Variants in RARB observed in about 807,000 individuals in gnomAD.
The protein encoded by RARB is HBV-activated protein.
Under a neutral mutation model 51.9 loss-of-function variants are expected in RARB, and 17 were observed. The ratio of observed to expected loss-of-function variants is 0.33; its 90% CI spans 0.22 to 0.49. RARB has a LOEUF of 0.49. Ranked by LOEUF, RARB falls within the 20% of genes least tolerant of loss-of-function variation. The pLI is 0.99. For synonymous variants in RARB, 215 were observed against 195.4 expected, an observed-to-expected ratio of 1.10 and a Z score of -0.84; for missense variants, 369 against 550.8, an observed-to-expected ratio of 0.67 and a Z score of 3.30.
intron 5 of RARB, among the ~76,000 whole-genome samples, chr3:25,274,700 G>A (rs1703336990): frequency 6.6e-6 from 1 of 152,160 alleles, no homozygotes; most frequent in Admixed American, 6.5e-5. Flanking sequence ...GTGGGAATCA[G>A]CTGGACTTGA....
At chr3:25,256,838 G>A (rs1044589323) in intron 5 of RARB, among the ~76,000 whole-genome samples, 2 of 150,246 alleles carry the variant, frequency 1.3e-5, no homozygotes, top group Admixed American at 6.6e-5. Context: ...AGAATGTGAA[G>A]ATAAGAGGTG....
intron 2 of RARB, among the ~76,000 whole-genome samples, chr3:25,035,421 CTTTTTTTTTTTTTTTTTT>C (rs140970899): frequency 3.3e-5 from 4 of 121,660 alleles, no homozygotes; most frequent in African/African-American, 1.4e-4. Context: ...TGCGTCCAGC[CTTTTTTTTTTTTTTTTTT>C]TTTTTTTTCT....
intron 5 of RARB, among the ~76,000 whole-genome samples, chr3:25,409,020 C>T (rs771364092): frequency 2.0e-5 from 3 of 151,986 alleles, no homozygotes. Context: ...TGTGACACAG[C>T]GAGACTCTGT....
At chr3:25,497,458 C>T (rs1697100781) in intron 2 of RARB, among the ~76,000 whole-genome samples, 1 of 152,182 alleles carries the variant, frequency 6.6e-6, no homozygotes, top group Non-Finnish European at 1.5e-5. Flanking sequence ...CTTCTTTCGC[C>T]AATTTCTTTG....
intron 3 of RARB, among the ~76,000 whole-genome samples, chr3:25,501,631 C>G (rs1176883208): frequency 1.3e-5 from 2 of 152,174 alleles, no homozygotes; most frequent in African/African-American, 4.8e-5. Flanking sequence ...CACGGTGACT[C>G]CATTTCCCCT....
chr3:25,431,397 A>C (rs973884029), intron 1 of RARB, among the ~76,000 whole-genome samples: 1 of 152,188 alleles, frequency 6.6e-6, no homozygotes, highest in Admixed American at 6.5e-5. Context: ...GAAAAATGAT[A>C]TGCCAGCCAG....
chr3:25,225,083 A>G (rs1470538166), intron 5 of RARB, among the ~76,000 whole-genome samples: 1 of 152,190 alleles, frequency 6.6e-6, no homozygotes, highest in African/African-American at 2.4e-5. Context: ...GGTGATACCT[A>G]AACTAGTGCT....
At chr3:25,266,040 A>C (rs1421042331) in intron 5 of RARB, among the ~76,000 whole-genome samples, 2 of 152,194 alleles carry the variant, frequency 1.3e-5, no homozygotes, top group Non-Finnish European at 2.9e-5. Flanking sequence ...TTCCAGCTTT[A>C]AGGACTCTTG....
chr3:25,020,743 C>A (rs1032706567), intron 2 of RARB, among the ~76,000 whole-genome samples: 3 of 152,066 alleles, frequency 2.0e-5, no homozygotes, highest in Non-Finnish European at 4.4e-5. Flanking sequence ...AATGAATAAA[C>A]AAGTCACATA....
At chr3:25,050,700 T>C (rs541350975) in intron 2 of RARB, among the ~76,000 whole-genome samples, 134 of 152,296 alleles carry the variant, frequency 8.8e-4, no homozygotes, top group Non-Finnish European at 1.8e-4. Context: ...CATCCAATTA[T>C]AGAAAAAGAT....
intron 1 of RARB, among the ~76,000 whole-genome samples, chr3:25,454,044 A>G (rs1694759002): frequency 6.6e-6 from 1 of 152,252 alleles, no homozygotes; most frequent in South Asian, 2.1e-4. Context: ...AAGATGATTA[A>G]AAGCAGATCC....
At chr3:25,399,565 A>T (rs1156539801) in intron 5 of RARB, among the ~76,000 whole-genome samples, 1 of 152,148 alleles carries the variant, frequency 6.6e-6, no homozygotes, top group Non-Finnish European at 1.5e-5. Context: ...ACATGAAGGG[A>T]ACTGGTACAT....
intron 5 of RARB, among the ~76,000 whole-genome samples, chr3:25,404,884 C>A (rs974360262): frequency 2.0e-5 from 3 of 152,126 alleles, no homozygotes; most frequent in Non-Finnish European, 4.4e-5. Flanking sequence ...TAAATTTACT[C>A]GCTACTTTTT....
At chr3:24,903,186 T>C (rs927619422) in intron 2 of RARB, among the ~76,000 whole-genome samples, 2 of 152,098 alleles carry the variant, frequency 1.3e-5, no homozygotes, top group Admixed American at 1.3e-4. Flanking sequence ...TAACTTGAAG[T>C]GATTTTTTAT....
intron 2 of RARB, among the ~76,000 whole-genome samples, chr3:24,974,983 A>G (rs751206432): frequency 5.3e-5 from 8 of 152,156 alleles, no homozygotes; most frequent in Non-Finnish European, 7.4e-5. Flanking sequence ...ACAGACACCT[A>G]TGGCTATTGA....
intron 2 of RARB, among the ~76,000 whole-genome samples, chr3:24,910,333 T>A (rs1305575827): frequency 2.0e-5 from 3 of 152,178 alleles, no homozygotes; most frequent in Non-Finnish European, 4.4e-5. Context: ...TTAGGTTCAG[T>A]CCCGCTAATA....
At position 25,229,245 on chromosome 3, in the gene RARB, A is replaced by T. The variant is rs1476740160; in HGVS notation, c.178+54670A>T. Among the ~76,000 whole-genome samples the T allele has an allele frequency of 4.6e-5, 7 of 152,222 alleles. No individual in the cohort carries two copies. In the South Asian group the frequency reaches 1.2e-3, roughly 27 times the overall value. On this transcript the variant is annotated intron_variant, in intron 5 of 11. Transcript: ENST00000383772. ...TTGTTTCTTAGTTTGATTATAGGTT[A>T]TATTTTCTATTCTATTTTTTATTCC...
intron 5 of RARB, among the ~76,000 whole-genome samples, chr3:25,360,513 A>T (rs1040135594): frequency 1.3e-5 from 2 of 152,094 alleles, no homozygotes; most frequent in Non-Finnish European, 2.9e-5. Context: ...TTGATCCTGT[A>T]ATTATGATGC....
At chr3:25,026,526 C>T (rs971570521) in intron 2 of RARB, among the ~76,000 whole-genome samples, 7 of 152,110 alleles carry the variant, frequency 4.6e-5, no homozygotes, top group Non-Finnish European at 8.8e-5. Context: ...TCCAAATTTC[C>T]TATTCTTATA....
Sources: gnomAD v4.1 joint callset for allele counts (sites outside exome capture counted in the v4.1 genomes callset) on GRCh38, gnomAD v4.1.1 for gene constraint, MANE v1.5 for transcripts, NCBI Gene and HGNC (gene_info 2026-07-23, HGNC 2026-07-21) for gene names.